AUH: variants seen among roughly 807,000 people sequenced by gnomAD.
AUH encodes methylglutaconyl-CoA hydratase, mitochondrial.
Under a neutral mutation model 42.3 loss-of-function variants are expected in AUH, and 29 were observed. The ratio of observed to expected loss-of-function variants is 0.69; its 90% CI spans 0.51 to 0.93. The LOEUF (loss-of-function observed/expected upper bound fraction) is 0.93, where lower values mean the gene tolerates loss of function less well. Ranked by LOEUF, AUH falls within the 40% of genes least tolerant of loss-of-function variation. The pLI, the probability that AUH is intolerant of heterozygous loss-of-function variation, is 0.00. For missense variants in AUH, 452 were observed against 438.1 expected (o/e 1.03, Z -0.28); for synonymous variants, 174 against 166.4 (o/e 1.05, Z -0.35).
chr9:91,290,237 G>A (rs1240978507), intron 6 of AUH, among the ~76,000 whole-genome samples: 1 of 152,110 alleles, frequency 6.6e-6, no homozygotes, highest in African/African-American at 2.4e-5. Context: ...GCAACATAGT[G>A]AGACCCTGCC....
chr9:91,341,840 T>C (rs919845069), intron 3 of AUH, among the ~76,000 whole-genome samples: 1 of 152,106 alleles, frequency 6.6e-6, no homozygotes, highest in African/African-American at 2.4e-5. Context: ...TGATGGAGGC[T>C]GGGGGAAGCA....
intron 6 of AUH, among the ~76,000 whole-genome samples, chr9:91,246,522 C>T (rs1828803800): frequency 6.6e-6 from 1 of 152,190 alleles, no homozygotes; most frequent in African/African-American, 2.4e-5. Context: ...ATATATGAGA[C>T]TCAAAGAGGC....
At chr9:91,260,813 T>C (rs113397571) in intron 6 of AUH, among the ~76,000 whole-genome samples, 1 of 152,216 alleles carries the variant, frequency 6.6e-6, no homozygotes, top group Non-Finnish European at 1.5e-5. Flanking sequence ...TTATAGTTTT[T>C]AGGTCTTTTT....
intron 6 of AUH, among the ~76,000 whole-genome samples, chr9:91,248,254 A>G (rs1765211355): frequency 1.3e-5 from 2 of 152,218 alleles, no homozygotes. Context: ...ATAGTTGAAA[A>G]GCCTGTTCTT....
At chr9:91,294,679 G>A (rs908999228) in intron 6 of AUH, 1 of 455,936 alleles carries the variant, frequency 2.2e-6, no homozygotes, top group Non-Finnish European at 4.4e-6. Flanking sequence ...ATCCCTTTAA[G>A]AACATTCATG....
At chr9:91,241,403 T>C (rs1294989955) in intron 6 of AUH, among the ~76,000 whole-genome samples, 2 of 152,134 alleles carry the variant, frequency 1.3e-5, no homozygotes, top group African/African-American at 4.8e-5. Context: ...TTATATATTA[T>C]ATATAAGTAT....
At position 91,323,609 on chromosome 9, in the gene AUH, G is replaced by A. The variant is rs371101173; in HGVS notation, c.505+1709C>T. Among the ~76,000 whole-genome samples the A allele has an allele frequency of 1.2e-4, 18 of 149,200 alleles. No homozygotes were observed. The East Asian group carries it at 3.5e-3, about 29-fold the overall frequency. On this transcript the variant is annotated intron_variant, in intron 4 of 9. Transcript: ENST00000375731. ...CTGCACTCCAGCCTGGTGATAGAGC[G>A]AGACTCCGGCTCAAAAAAAAAAAAA...
At chr9:91,324,507 A>C (rs1225270369) in intron 4 of AUH, among the ~76,000 whole-genome samples, 1 of 150,022 alleles carries the variant, frequency 6.7e-6, no homozygotes, top group Non-Finnish European at 1.5e-5. Flanking sequence ...TGTCTCTAGA[A>C]AAAATCAAAA....
chr9:91,230,530 G>A (rs561997974), intron 6 of AUH, among the ~76,000 whole-genome samples: 7 of 152,114 alleles, frequency 4.6e-5, no homozygotes, highest in East Asian at 3.9e-4. Context: ...TAATCTGATC[G>A]TCTGAAGCCT....
At chr9:91,276,342 A>C (rs1757656) in intron 6 of AUH, among the ~76,000 whole-genome samples, 18,563 of 151,728 alleles carry the variant, frequency 0.12, 1,636 homozygotes, top group African/African-American at 0.25. Flanking sequence ...GAAGCACAAG[A>C]ATCCACTGAA....
intron 6 of AUH, among the ~76,000 whole-genome samples, chr9:91,285,206 A>T (rs1284294378): frequency 6.6e-6 from 1 of 152,138 alleles, no homozygotes; most frequent in Non-Finnish European, 1.5e-5. Flanking sequence ...AAACTATTGC[A>T]AGGACAAAAA....
In AUH at chr9:91,336,401, G is replaced by A. The variant is rs144690615; in HGVS notation, c.419-10997C>T. Among the ~76,000 whole-genome samples, 239 of 152,172 alleles carry A rather than the reference G, an allele frequency of 1.6e-3. 1 individual carries two copies. Among genetic ancestry groups the A allele is most frequent in the African/African-American group, 5.3e-3 (222 of 41,522 alleles). ...TCCCAACACTTTGGGAGGCCAAGGC[G>A]GGTGAATCACTTGAGGCCACGAGTT... On this transcript the variant is annotated intron_variant, in intron 3 of 9. Transcript: ENST00000375731.
chr9:91,271,152 T>C (rs1330316927), intron 6 of AUH, among the ~76,000 whole-genome samples: 2 of 152,256 alleles, frequency 1.3e-5, no homozygotes, highest in Non-Finnish European at 2.9e-5. Context: ...ACTCAGGAGT[T>C]AGCTAAAAGG....
In AUH at chr9:91,352,799, CTGAT is replaced by C. The variant is rs575887521; in HGVS notation, c.418+3080_418+3083del. On this transcript the variant is annotated intron_variant, in intron 3 of 9. Transcript: ENST00000375731. Reference sequence around the variant, plus strand: ...AGTGAATTAAAGCACAGTTTAAAGGCTGATTAATTCCAGCAAATAAATGCTGAGT... The same window carrying C: ...AGTGAATTAAAGCACAGTTTAAAGGCTAATTCCAGCAAATAAATGCTGAGT... Among the ~76,000 whole-genome samples the C allele has an allele frequency of 2.8e-4, 43 of 152,290 alleles. No homozygotes were observed. The East Asian group carries it at 6.7e-3, about 24-fold the overall frequency.
In AUH at chr9:91,321,607, A is replaced by T. The variant is rs576910543; in HGVS notation, c.505+3711T>A. On this transcript the variant is annotated intron_variant, in intron 4 of 9. Coordinates refer to ENST00000375731, the MANE Select transcript of AUH (RefSeq NM_001698.3). Reference sequence around the variant, plus strand: ...GAGATTTCTTGAATAAATATAGAGGAATTAACTCCAAACAACAGGAAAAAT... The same window carrying T: ...GAGATTTCTTGAATAAATATAGAGGTATTAACTCCAAACAACAGGAAAAAT... Among the ~76,000 whole-genome samples, 5 of 152,306 alleles carry T rather than the reference A, an allele frequency of 3.3e-5. No homozygotes were observed. In the South Asian group the frequency reaches 8.3e-4, roughly 25 times the overall value.
intron 4 of AUH, among the ~76,000 whole-genome samples, chr9:91,298,521 T>C (rs186082524): frequency 6.6e-6 from 1 of 152,226 alleles, no homozygotes; most frequent in African/African-American, 2.4e-5. Flanking sequence ...AAGAAAGACA[T>C]CTGCTCAAAC....
At chr9:91,343,969 G>C (rs1286118298) in intron 3 of AUH, among the ~76,000 whole-genome samples, 1 of 152,122 alleles carries the variant, frequency 6.6e-6, no homozygotes, top group Non-Finnish European at 1.5e-5. Flanking sequence ...CTCCACCAAG[G>C]GCAATCCAAA....
chr9:91,271,907 C>G (rs1825163143), intron 6 of AUH, among the ~76,000 whole-genome samples: 1 of 152,194 alleles, frequency 6.6e-6, no homozygotes, highest in Non-Finnish European at 1.5e-5. Context: ...GTCTGGAACT[C>G]TTGACCTCAG....
At chr9:91,299,577 T>C (rs1164699053) in intron 4 of AUH, among the ~76,000 whole-genome samples, 2 of 152,150 alleles carry the variant, frequency 1.3e-5, no homozygotes, top group African/African-American at 4.8e-5. Context: ...AAAATGTGCT[T>C]TCCAGAACAC....
Sources: allele counts gnomAD v4.1 joint callset (sites outside exome capture counted in the v4.1 genomes callset), GRCh38; gene constraint gnomAD v4.1.1; transcripts MANE v1.5; gene names NCBI Gene and HGNC (gene_info 2026-07-23, HGNC 2026-07-21).